The following NCAPG2 variants were observed in gnomAD, a reference collection of about 807,000 sequenced individuals.
NCAPG2 encodes non-SMC condensin II complex subunit G2.
Under a neutral mutation model 141.1 loss-of-function variants are expected in NCAPG2, and 53 were observed. The ratio of observed to expected loss-of-function variants is 0.38; its 90% CI spans 0.30 to 0.47. The LOEUF is 0.47. Ranked by LOEUF, NCAPG2 falls within the 20% of genes least tolerant of loss-of-function variation. The pLI, the probability that NCAPG2 is intolerant of heterozygous loss-of-function variation, is 0.99. For missense variants in NCAPG2, 1,087 were observed against 1,389.0 expected (o/e 0.78, Z 3.46); for synonymous variants, 499 against 490.7 (o/e 1.02, Z -0.22).
intron 27 of NCAPG2, among the ~76,000 whole-genome samples, chr7:158,635,555 C>A (rs1281751421): frequency 1.3e-5 from 2 of 152,046 alleles, no homozygotes; most frequent in East Asian, 3.9e-4. Flanking sequence ...TTATTACTAT[C>A]GATACAATTT....
At chr7:158,640,052 C>CAAAAAAAAAAAAAAAAAAAAAAAGAA (rs58368997) in intron 27 of NCAPG2, 1 of 98,320 alleles carries the variant, frequency 1.0e-5, no homozygotes. Context: ...GAATAAATGC[C>CAAAAAAAAAAAAAAAAAAAAAAAGAA]AAAAAAAAAA....
chr7:158,652,523 G>GT (rs1563511408), intron 22 of NCAPG2, 43 bp from the exon 23 acceptor site: 2 of 1,422,200 alleles, frequency 1.4e-6, no homozygotes, highest in East Asian at 4.6e-5. Context: ...AATCACACAA[G>GT]TTTGTTGAAA....
chr7:158,671,422 T>C, intron 13 of NCAPG2, 92 bp downstream of exon 13: 1 of 1,474,104 alleles, frequency 6.8e-7, no homozygotes, highest in Non-Finnish European at 9.4e-7. Flanking sequence ...CAGTTATCAG[T>C]TTAAAATGTG....
At chr7:158,693,620 T>A in intron 2 of NCAPG2, 123 bp from the exon 3 acceptor site, 1 of 789,752 alleles carries the variant, frequency 1.3e-6, no homozygotes, top group Non-Finnish European at 1.9e-6. Context: ...TTGGTTGCAG[T>A]ATTCAAAATC....
intron 21 of NCAPG2, 85 bp from the exon 22 acceptor site, chr7:158,654,779 G>A (rs1831776897): frequency 4.6e-6 from 7 of 1,506,252 alleles, no homozygotes; most frequent in Non-Finnish European, 5.3e-6. Flanking sequence ...TCCTATCCAT[G>A]TGCTAGTTAT....
Position 158,648,921 on chromosome 7 carries a change from A to G in NCAPG2, c.3075+1911T>C, listed in dbSNP as rs1224233027. ...CTATAACCACGCCAAATGGACTATA[A>G]CCACGCCAAATGGACTATAACCACG... On this transcript the variant is annotated intron_variant, in intron 24 of 27. Transcript: ENST00000356309. 2.7e-5 allele frequency among the ~76,000 whole-genome samples: 4 copies of G among 150,860 alleles called. No individual in the cohort carries two copies. The East Asian group carries it at 7.4e-4, about 28-fold the overall frequency.
rs932234613 is a variant in NCAPG2, at chr7:158,656,307, G to A, written c.2341C>T (p.Pro781Ser). The change falls in exon 19 of 28, where the codon CCT becomes TCT. Residue 781 changes from proline (P) to serine (S), a missense_variant. By Grantham distance (74) the Pro-to-Ser change is moderately conservative (BLOSUM62 -1). Transcript: ENST00000356309. Reference sequence around the variant, plus strand: ...AAAAGATGGTTAAGTTTCTTCCGAGGAGCAGAGAGCAAGCACTCGCGGTTC... The same window carrying A: ...AAAAGATGGTTAAGTTTCTTCCGAGAAGCAGAGAGCAAGCACTCGCGGTTC... ...PKNRECLLSA[P>S]RKKLNHLLKA... 78 of 1,614,060 alleles carry A rather than the reference G, an allele frequency of 4.8e-5. No individual in the cohort carries two copies. Among genetic ancestry groups the A allele is most frequent in the Non-Finnish European group, 6.5e-5 (77 of 1,180,048 alleles).
chr7:158,686,125 TA>T, intron 8 of NCAPG2, 46 bp downstream of exon 8: 1 of 1,175,930 alleles, frequency 8.5e-7, no homozygotes, highest in Non-Finnish European at 1.2e-6. Flanking sequence ...ATTTAGTAAC[TA>T]AAATATAATA....
At position 158,656,370 on chromosome 7, in the gene NCAPG2, C is replaced by T; in HGVS notation, c.2278G>A (p.Ala760Thr). Residue 760 changes from alanine (A) to threonine (T), a missense_variant, in exon 19 of 28, where the codon GCA becomes ACA. Physicochemically the swap from Ala to Thr is moderately conservative, Grantham distance 58. Transcript: ENST00000356309. The part of the protein sequence containing the change: ...HDTRPVKPEL[A>T]LVYIEYLLTH... ...AGCAGATACTCAATGTAGACCAATG[C>T]CAATTCAGGTTTGACTGGGCGTGTG... 6.2e-7 allele frequency: 1 copy of T among 1,614,178 alleles called. No homozygotes were observed. The highest frequency in any genetic ancestry group is 8.5e-7 in the Non-Finnish European group (1 of 1,180,026).
chr7:158,649,877 G>A (rs1425138486), intron 24 of NCAPG2, among the ~76,000 whole-genome samples: 1 of 152,130 alleles, frequency 6.6e-6, no homozygotes, highest in Admixed American at 6.5e-5. Context: ...AATATTCCAT[G>A]TGGGAAAACA....
intron 2 of NCAPG2, among the ~76,000 whole-genome samples, chr7:158,699,293 CAAG>C (rs1835644639): frequency 6.6e-6 from 1 of 152,142 alleles, no homozygotes; most frequent in Non-Finnish European, 1.5e-5. Context: ...ATTGATTCTC[CAAG>C]AAGGACAAGG....
intron 12 of NCAPG2, among the ~76,000 whole-genome samples, chr7:158,671,948 A>G (rs1340926008): frequency 6.6e-6 from 1 of 152,200 alleles, no homozygotes; most frequent in Non-Finnish European, 1.5e-5. Flanking sequence ...GCTCTCTCTC[A>G]GCTAAATTTT....
intron 27 of NCAPG2, among the ~76,000 whole-genome samples, chr7:158,635,142 T>C (rs533742078): frequency 6.6e-6 from 1 of 152,314 alleles, no homozygotes; most frequent in African/African-American, 2.4e-5. Context: ...TGTCTGTATT[T>C]ATTAAAGGGT....
Position 158,633,804 on chromosome 7 carries a change from G to A in NCAPG2, c.3381-2087C>T, listed in dbSNP as rs1563482840. ...CACGCTCTGTCACCCAGGCTGAAGT[G>A]CAGCAGTGAGGTCACAGCTCACTGC... On this transcript the variant is annotated intron_variant, in intron 27 of 27. Transcript: ENST00000356309. The surrounding 1 kb of genome is among the most constrained non-coding windows in gnomAD (Gnocchi z 4.1). Among the ~76,000 whole-genome samples, 1 of 151,906 alleles carries A rather than the reference G, an allele frequency of 6.6e-6. No individual in the cohort carries two copies. The highest frequency in any genetic ancestry group is 1.5e-5 in the Non-Finnish European group (1 of 67,958).
chr7:158,667,177 C>G (rs1833033471), intron 13 of NCAPG2: 1 of 985,434 alleles, frequency 1.0e-6, no homozygotes, highest in Non-Finnish European at 1.2e-6. Context: ...CTGCCTTGCA[C>G]TTGCAAAGAT....
chr7:158,656,116 C>T, intron 19 of NCAPG2, 144 bp downstream of exon 19: 1 of 1,102,688 alleles, frequency 9.1e-7, no homozygotes, highest in Non-Finnish European at 1.3e-6. Flanking sequence ...ATGCCTTGTA[C>T]CAACTGAATG....
At chr7:158,682,679 T>TCAA (rs1383251511) in intron 9 of NCAPG2, among the ~76,000 whole-genome samples, 1 of 152,204 alleles carries the variant, frequency 6.6e-6, no homozygotes, top group African/African-American at 2.4e-5. Context: ...AGAACACTGA[T>TCAA]CAACAGCAGC....
At chr7:158,639,300 G>C (rs115357015) in intron 27 of NCAPG2, among the ~76,000 whole-genome samples, 1,935 of 152,184 alleles carry the variant, frequency 0.013, 45 homozygotes, top group African/African-American at 0.044. Context: ...TAGAGACAGG[G>C]TTTTGCCACA....
chr7:158,644,503 T>C, intron 26 of NCAPG2, 115 bp from the exon 27 acceptor site: 1 of 838,244 alleles, frequency 1.2e-6, no homozygotes, highest in South Asian at 1.4e-5. Context: ...TCCTTCCCTT[T>C]GAGGTAACCT....
Sources: gnomAD v4.1 joint callset for allele counts (sites outside exome capture counted in the v4.1 genomes callset) on GRCh38, gnomAD v4.1.1 for gene constraint, Gnocchi (gnomAD v3.1) non-coding constraint, MANE v1.5 for transcripts, NCBI Gene and HGNC (gene_info 2026-07-23, HGNC 2026-07-21) for gene names.